PAQR5: variants seen among roughly 807,000 people sequenced by gnomAD.
PAQR5 encodes the protein progestin and adipoQ receptor family member 5, also known as membrane progestin receptor gamma.
PAQR5 carries 20 observed loss-of-function variants against 34.5 expected under a neutral mutation model. The observed-to-expected ratio is 0.58, with a 90% confidence interval of 0.41 to 0.84. PAQR5 has a LOEUF of 0.84. PAQR5 is among the 40% of genes least tolerant of loss of function. PAQR5 has a pLI of 0.00. For synonymous variants in PAQR5, 131 were observed against 155.6 expected (o/e 0.84, Z 1.18); for missense variants, 378 against 412.7 (o/e 0.92, Z 0.73).
intron 4 of PAQR5, among the ~76,000 whole-genome samples, chr15:69,382,036 A>T (rs2055897670): frequency 6.6e-6 from 1 of 152,178 alleles, no homozygotes. Flanking sequence ...CTGCATAGAG[A>T]TCTAGGCTCT....
chr15:69,302,395 C>T (rs537100257), intron 1 of PAQR5, among the ~76,000 whole-genome samples: 2 of 151,348 alleles, frequency 1.3e-5, no homozygotes, highest in South Asian at 4.2e-4. Flanking sequence ...TTTCAAATTC[C>T]TCTCCCTCCC....
chr15:69,399,875 G>A, intron 7 of PAQR5, 99 bp from the exon 8 acceptor site: 1 of 1,255,220 alleles, frequency 8.0e-7, no homozygotes, highest in Non-Finnish European at 1.1e-6. Context: ...ATGTGTGGGT[G>A]TCAGAGCCCC....
chr15:69,314,551 C>G (rs1339009602), intron 1 of PAQR5: 6 of 152,418 alleles, frequency 3.9e-5, no homozygotes, highest in Non-Finnish European at 7.3e-5. Context: ...CATTCCCCCC[C>G]ATGGATGATA....
intron 3 of PAQR5, among the ~76,000 whole-genome samples, chr15:69,378,264 T>TAAAAAA (rs71149912): frequency 0.037 from 2,178 of 59,650 alleles, 230 homozygotes; most frequent in African/African-American, 0.091. Flanking sequence ...GACTCCATCT[T>TAAAAAA]AAAAAAAAAA....
intron 1 of PAQR5, among the ~76,000 whole-genome samples, chr15:69,315,824 G>A (rs1225583815): frequency 1.3e-5 from 2 of 152,158 alleles, no homozygotes; most frequent in African/African-American, 2.4e-5. Flanking sequence ...TGGGTTTAGG[G>A]ACAACTGTAG....
intron 5 of PAQR5, among the ~76,000 whole-genome samples, chr15:69,388,458 C>G (rs1331790321): frequency 1.3e-5 from 2 of 152,234 alleles, no homozygotes; most frequent in South Asian, 2.1e-4. Flanking sequence ...GACTCAGGCT[C>G]TGGTCTTTTG....
intron 3 of PAQR5, among the ~76,000 whole-genome samples, chr15:69,370,788 TG>T (rs1174032091): frequency 6.6e-6 from 1 of 152,238 alleles, no homozygotes; most frequent in Non-Finnish European, 1.5e-5. Flanking sequence ...CCCAAAGTGC[TG>T]GGATTACAGG....
chr15:69,349,061 C>T (rs2054845204), intron 2 of PAQR5, among the ~76,000 whole-genome samples: 1 of 152,044 alleles, frequency 6.6e-6, no homozygotes, highest in South Asian at 2.1e-4. Flanking sequence ...TTGGGGTACA[C>T]CTGGGAGGGT....
chr15:69,321,830 G>A (rs1328667554), intron 1 of PAQR5, among the ~76,000 whole-genome samples: 1 of 152,094 alleles, frequency 6.6e-6, no homozygotes, highest in African/African-American at 2.4e-5. Flanking sequence ...AGGAACACTG[G>A]ACAGTGTTCC....
At chr15:69,356,182 C>T (rs980601503) in intron 2 of PAQR5, among the ~76,000 whole-genome samples, 1 of 152,162 alleles carries the variant, frequency 6.6e-6, no homozygotes, top group Non-Finnish European at 1.5e-5. Context: ...TCTGTGGAGA[C>T]CCAACCTTGA....
At chr15:69,354,721 A>G (rs1167599683) in intron 2 of PAQR5, among the ~76,000 whole-genome samples, 1 of 152,116 alleles carries the variant, frequency 6.6e-6, no homozygotes, top group Non-Finnish European at 1.5e-5. Context: ...GCTAAGCGTG[A>G]TTTCTGGGTG....
At chr15:69,311,397 G>A (rs2053831590) in intron 1 of PAQR5, among the ~76,000 whole-genome samples, 1 of 152,202 alleles carries the variant, frequency 6.6e-6, no homozygotes, top group South Asian at 2.1e-4. Context: ...TGAGTTAGAT[G>A]AGGGAAGTGA....
In PAQR5 at chr15:69,338,524, C is replaced by T. The variant is rs142465398; in HGVS notation, c.-116+1023C>T. ...GCCAAGCCAGGCCTGCATGAGTACA[C>T]TCAGACAGTTAGAAAGCGGTTCCAC... On this transcript the variant is annotated intron_variant, in intron 2 of 8. Transcript: ENST00000395407. 4.3e-3 allele frequency among the ~76,000 whole-genome samples: 649 copies of T among 152,304 alleles called. 2 individuals carry two copies. The highest frequency in any genetic ancestry group is 6.5e-3 in the Non-Finnish European group (444 of 68,020).
intron 2 of PAQR5, among the ~76,000 whole-genome samples, chr15:69,338,679 G>A (rs1024371538): frequency 2.6e-5 from 4 of 152,160 alleles, no homozygotes; most frequent in South Asian, 2.1e-4. Flanking sequence ...AAAATCCAAA[G>A]GGAGGGATTG....
At chr15:69,312,062 G>A (rs981292986) in intron 1 of PAQR5, among the ~76,000 whole-genome samples, 11 of 152,264 alleles carry the variant, frequency 7.2e-5, no homozygotes, top group African/African-American at 2.6e-4. Context: ...TGGAGATGAG[G>A]AGATGCGTTG....
At position 69,331,142 on chromosome 15, in the gene PAQR5, T is replaced by G. The variant is rs112726708; in HGVS notation, c.-276-6199T>G. Among the ~76,000 whole-genome samples the G allele has an allele frequency of 6.1e-3, 934 of 152,296 alleles. 18 individuals are homozygous for G. Among genetic ancestry groups the G allele is most frequent in the African/African-American group, 0.021 (889 of 41,554 alleles). ...TATAGCCTATGATGGGGTGTCTGTC[T>G]GTAGCCCCATTGTGGGGTGTCTGGA... On this transcript the variant is annotated intron_variant, in intron 1 of 8. Coordinates refer to ENST00000395407, the MANE Select transcript of PAQR5 (RefSeq NM_017705.4).
rs778022504 is a variant in PAQR5, at chr15:69,397,549, C to T, written c.594C>T (p.Leu198=). Residue 198 remains leucine, a synonymous_variant, in exon 7 of 9, where the codon CTC becomes CTT. Coordinates refer to ENST00000395407, the MANE Select transcript of PAQR5 (RefSeq NM_017705.4). ...CTTATCCGTACACCTGGGACTCCCTCCCCATCTTCTACAGGGTAAGGACTG... is the reference window on the plus strand; with the variant it reads ...CTTATCCGTACACCTGGGACTCCCTTCCCATCTTCTACAGGGTAAGGACTG... ...AFAYPYTWDS[L]PIFYRLFLFP... 1 of 1,606,946 alleles carries T rather than the reference C, an allele frequency of 6.2e-7. No homozygotes were observed. The highest frequency in any genetic ancestry group is 8.5e-7 in the Non-Finnish European group (1 of 1,173,398).
chr15:69,373,373 T>C (rs1416992921), intron 3 of PAQR5, among the ~76,000 whole-genome samples: 7 of 152,156 alleles, frequency 4.6e-5, no homozygotes. Context: ...AGCAACCATG[T>C]TATACTATTA....
rs1490954195 is a variant in PAQR5, at chr15:69,385,518, GT to G, written c.385+637del. Among the ~76,000 whole-genome samples the G allele has an allele frequency of 6.6e-6, 1 of 152,100 alleles. No homozygotes were observed. The highest frequency in any genetic ancestry group is 1.5e-5 in the Non-Finnish European group (1 of 68,016). On this transcript the variant is annotated intron_variant, in intron 5 of 8. Coordinates refer to ENST00000395407, the MANE Select transcript of PAQR5 (RefSeq NM_017705.4). The surrounding 1 kb of genome is among the most constrained non-coding windows in gnomAD (Gnocchi z 4.7). ...CAGCAACCTAAGCTGGTGAAATTCGGTGCTGACCGCCCCCTCTTCCTTGTCT... is the reference window on the plus strand; with the variant it reads ...CAGCAACCTAAGCTGGTGAAATTCGGGCTGACCGCCCCCTCTTCCTTGTCT...
Sources: gnomAD v4.1 joint callset for allele counts (sites outside exome capture counted in the v4.1 genomes callset) on GRCh38, gnomAD v4.1.1 for gene constraint, Gnocchi (gnomAD v3.1) non-coding constraint, MANE v1.5 for transcripts, NCBI Gene and HGNC (gene_info 2026-07-23, HGNC 2026-07-21) for gene names.